Variants in MAPK10 observed in about 807,000 individuals in gnomAD.
MAPK10 encodes JNK3 alpha protein kinase.
A neutral mutation model predicts 59.3 loss-of-function variants in MAPK10; 25 were observed. The ratio of observed to expected loss-of-function variants is 0.42; its 90% CI spans 0.31 to 0.59. The LOEUF (loss-of-function observed/expected upper bound fraction) is 0.59. Ranked by LOEUF, MAPK10 falls within the 20% of genes least tolerant of loss-of-function variation. The pLI is 0.15. For missense variants in MAPK10, 351 were observed against 568.9 expected, an observed-to-expected ratio of 0.62 and a Z score of 3.90; for synonymous variants, 190 against 200.5, an observed-to-expected ratio of 0.95 and a Z score of 0.44.
chr4:86,085,880 G>T (rs1043261363), intron 9 of MAPK10, among the ~76,000 whole-genome samples: 1 of 152,050 alleles, frequency 6.6e-6, no homozygotes, highest in African/African-American at 2.4e-5. Flanking sequence ...AAGAAAATGT[G>T]GTACATTTAA....
intron 2 of MAPK10, among the ~76,000 whole-genome samples, chr4:86,301,185 T>C (rs1238674257): frequency 1.3e-5 from 2 of 151,794 alleles, no homozygotes; most frequent in Non-Finnish European, 2.9e-5. Context: ...GTGGGAGAAA[T>C]TGGGCAGGGG....
chr4:86,125,783 T>C (rs1162254196), intron 4 of MAPK10: 1 of 152,066 alleles, frequency 6.6e-6, no homozygotes, highest in Non-Finnish European at 1.5e-5. Flanking sequence ...GTGAAAGAGT[T>C]TATTGAGTAT....
intron 2 of MAPK10, among the ~76,000 whole-genome samples, chr4:86,254,814 C>T (rs1180419708): frequency 1.3e-5 from 2 of 151,528 alleles, no homozygotes; most frequent in African/African-American, 4.9e-5. Context: ...GAGTCTAAGT[C>T]TCTTTGTAGG....
At chr4:86,334,705 T>G (rs1457033671) in intron 2 of MAPK10, among the ~76,000 whole-genome samples, 1 of 151,966 alleles carries the variant, frequency 6.6e-6, no homozygotes, top group Non-Finnish European at 1.5e-5. Context: ...TCAAGGAGAC[T>G]TCCTCTGACA....
intron 1 of MAPK10, among the ~76,000 whole-genome samples, chr4:86,515,882 GT>G (rs1564974335): frequency 7.7e-6 from 1 of 129,220 alleles, no homozygotes; most frequent in African/African-American, 2.9e-5. Context: ...GTTTTTTGTT[GT>G]TGTTTTTTTT....
At chr4:86,232,442 C>T (rs1452736153) in intron 2 of MAPK10, among the ~76,000 whole-genome samples, 10 of 151,112 alleles carry the variant, frequency 6.6e-5, no homozygotes, top group African/African-American at 2.4e-4. Flanking sequence ...GGCACCATCT[C>T]GGCTCACTGC....
intron 1 of MAPK10, among the ~76,000 whole-genome samples, chr4:86,591,707 AT>A (rs1164606367): frequency 6.6e-6 from 1 of 152,066 alleles, no homozygotes; most frequent in African/African-American, 2.4e-5. Flanking sequence ...AGTTATCTTA[AT>A]TTATCTTTTA....
chr4:86,044,743 C>A, intron 11 of MAPK10: 1 of 397,670 alleles, frequency 2.5e-6, no homozygotes, highest in East Asian at 3.6e-5. Flanking sequence ...CCTCATAATG[C>A]GTCACAGGTT....
At chr4:86,364,919 G>T (rs1440882601), upstream of MAPK10, among the ~76,000 whole-genome samples, 1 of 152,112 alleles carries the variant, frequency 6.6e-6, no homozygotes, top group Non-Finnish European at 1.5e-5. Flanking sequence ...GGCAGAGGTT[G>T]CCATGAGCCA....
intron 2 of MAPK10, among the ~76,000 whole-genome samples, chr4:86,277,821 C>T (rs1449548213): frequency 6.6e-6 from 1 of 152,098 alleles, no homozygotes; most frequent in Admixed American, 6.6e-5. Flanking sequence ...ATTTTGTTAA[C>T]AAACGGTTTA....
At chr4:86,571,927 T>G (rs2149108432) in intron 1 of MAPK10, among the ~76,000 whole-genome samples, 1 of 152,098 alleles carries the variant, frequency 6.6e-6, no homozygotes, top group South Asian at 2.1e-4. Context: ...TTTGTCATGG[T>G]TTTTTATTTT....
chr4:86,427,852 A>G (rs1386326968), intron 1 of MAPK10, among the ~76,000 whole-genome samples: 1 of 152,236 alleles, frequency 6.6e-6, no homozygotes, highest in Non-Finnish European at 1.5e-5. Flanking sequence ...CTCAATTATT[A>G]TAAAGACTTC....
chr4:86,096,706 T>C (rs2054284443), intron 9 of MAPK10, among the ~76,000 whole-genome samples: 1 of 152,020 alleles, frequency 6.6e-6, no homozygotes, highest in African/African-American at 2.4e-5. Flanking sequence ...ATTCCTACTT[T>C]TGAATAAAGT....
intron 2 of MAPK10, among the ~76,000 whole-genome samples, chr4:86,285,756 C>G (rs1334281443): frequency 6.6e-6 from 1 of 152,106 alleles, no homozygotes; most frequent in Non-Finnish European, 1.5e-5. Flanking sequence ...GCCAAAAAGT[C>G]CCATGATCTG....
At chr4:86,337,363 G>A (rs1162320863) in intron 2 of MAPK10, among the ~76,000 whole-genome samples, 1 of 152,186 alleles carries the variant, frequency 6.6e-6, no homozygotes, top group Non-Finnish European at 1.5e-5. Context: ...ATAAGGAAGT[G>A]CTAATCACAT....
intron 3 of MAPK10, among the ~76,000 whole-genome samples, chr4:86,168,209 T>C (rs6826762): frequency 0.085 from 12,894 of 152,160 alleles, 1,215 homozygotes; most frequent in African/African-American, 0.23. Context: ...AGACAGTGGG[T>C]GCAGGACAGT....
intron 3 of MAPK10, among the ~76,000 whole-genome samples, chr4:86,189,759 G>GC (rs1253357759): frequency 6.6e-6 from 1 of 152,028 alleles, no homozygotes; most frequent in African/African-American, 2.4e-5. Flanking sequence ...TTGCCTGATT[G>GC]CCCCAGTCAG....
In MAPK10 at chr4:86,117,944, T is replaced by C. The variant is rs539662108; in HGVS notation, c.237-10592A>G. The C allele has an allele frequency of 6.5e-4, 99 of 152,352 alleles. No individual in the cohort carries two copies. In the South Asian group the frequency reaches 0.011, roughly 17 times the overall value. The allele number at this position is 152,352 out of a possible 1,614,324, so 9.4% of individuals were successfully genotyped here. A position where few individuals can be genotyped will look rare whatever the true frequency, so the allele number is the denominator to read the frequency against. The stretch of plus-strand genomic sequence containing the variant: ...ATTGTATGTTCTGGAAATCTGATGG[T>C]TCTAGGATACTCTCAGAGGTGGGAG... On this transcript the variant is annotated intron_variant, in intron 4 of 13. Coordinates refer to ENST00000641462, the MANE Select transcript of MAPK10 (RefSeq NM_138982.4).
At chr4:86,264,785 A>T (rs2094155055) in intron 2 of MAPK10, among the ~76,000 whole-genome samples, 2 of 152,116 alleles carry the variant, frequency 1.3e-5, no homozygotes, top group Non-Finnish European at 2.9e-5. Context: ...TTTGTGCCTA[A>T]GACTAACCTT....
Sources: allele counts gnomAD v4.1 joint callset (sites outside exome capture counted in the v4.1 genomes callset), GRCh38; gene constraint gnomAD v4.1.1; transcripts MANE v1.5; gene names NCBI Gene and HGNC (gene_info 2026-07-23, HGNC 2026-07-21).